The following GK5 variants were observed in gnomAD, a reference collection of about 807,000 sequenced individuals.
The protein encoded by GK5 is ATP:glycerol 3-phosphotransferase 5.
In GK5, 39 loss-of-function variants were observed where a neutral mutation model predicts 77.3. That is an observed-to-expected ratio of 0.50 (90% confidence interval 0.39 to 0.66). The LOEUF (loss-of-function observed/expected upper bound fraction) is 0.66. Ranked by LOEUF, GK5 falls within the 30% of genes least tolerant of loss-of-function variation. The pLI is 0.00. For synonymous variants in GK5, 211 were observed against 208.0 expected (o/e 1.01, Z -0.13); for missense variants, 487 against 633.8 (o/e 0.77, Z 2.49).
At chr3:142,214,789 G>C (rs1228009429) in intron 2 of GK5, among the ~76,000 whole-genome samples, 1 of 152,152 alleles carries the variant, frequency 6.6e-6, no homozygotes, top group Non-Finnish European at 1.5e-5. Context: ...AAACAGTGCT[G>C]TGTTAATGTT....
At chr3:142,176,176 C>T (rs1182825661) in intron 12 of GK5, among the ~76,000 whole-genome samples, 1 of 151,976 alleles carries the variant, frequency 6.6e-6, no homozygotes, top group East Asian at 1.9e-4. Flanking sequence ...AAAAATATTA[C>T]AGGTATTGAA....
intron 3 of GK5, among the ~76,000 whole-genome samples, chr3:142,212,920 G>A (rs896854540): frequency 3.5e-5 from 5 of 142,894 alleles, no homozygotes; most frequent in African/African-American, 5.3e-5. Flanking sequence ...TGCAGGCTCC[G>A]CCCCCTGGGG....
In GK5 at chr3:142,161,344, C is replaced by A. The variant is rs2063424410; in HGVS notation, c.*4278G>T. ...TCTCAAGCTACTAACCTCAGGTAATCCGTCCTCCTTGGCCTCCCAAAGTGC... is the reference window on the plus strand; with the variant it reads ...TCTCAAGCTACTAACCTCAGGTAATACGTCCTCCTTGGCCTCCCAAAGTGC... On this transcript the variant is annotated 3_prime_UTR_variant, in exon 16 of 16. Transcript: ENST00000392993. 6.6e-6 allele frequency: 1 copy of A among 152,158 alleles called. No homozygotes were observed. The highest frequency in any genetic ancestry group is 6.6e-5 in the Admixed American group (1 of 15,264). The allele number at this position is 152,158 out of a possible 1,614,324, so 9.4% of individuals were successfully genotyped here.
At chr3:142,195,026 T>C (rs948485116) in intron 5 of GK5, among the ~76,000 whole-genome samples, 2 of 151,974 alleles carry the variant, frequency 1.3e-5, no homozygotes, top group Non-Finnish European at 2.9e-5. Context: ...AAAGATCAGG[T>C]TGAAGGAGTT....
intron 10 of GK5, among the ~76,000 whole-genome samples, chr3:142,182,513 A>T (rs917349116): frequency 6.6e-6 from 1 of 151,804 alleles, no homozygotes; most frequent in Non-Finnish European, 1.5e-5. Flanking sequence ...CCCCCAGCTA[A>T]TTTTTTTGTA....
chr3:142,223,091 T>C (rs1469314287), intron 1 of GK5, among the ~76,000 whole-genome samples: 1 of 152,182 alleles, frequency 6.6e-6, no homozygotes, highest in Non-Finnish European at 1.5e-5. Flanking sequence ...TTTTCCACAG[T>C]TTAGAGTCTG....
intron 4 of GK5, among the ~76,000 whole-genome samples, chr3:142,199,631 G>T (rs916363193): frequency 6.6e-6 from 1 of 151,812 alleles, no homozygotes; most frequent in African/African-American, 2.4e-5. Flanking sequence ...TTAAAATCTG[G>T]TTGTATGATT....
intron 1 of GK5, among the ~76,000 whole-genome samples, chr3:142,215,912 G>A (rs1382089173): frequency 6.6e-6 from 1 of 152,006 alleles, no homozygotes; most frequent in Non-Finnish European, 1.5e-5. Context: ...CTTTAGCTTT[G>A]TTTATCTCTA....
Position 142,158,999 on chromosome 3 carries a change from A to G in GK5, c.*6623T>C, listed in dbSNP as rs190345885. On this transcript the variant is annotated 3_prime_UTR_variant, in exon 16 of 16. Coordinates refer to ENST00000392993, the MANE Select transcript of GK5 (RefSeq NM_001039547.3). ...GGAAAGATTTAAAAAATCCCACATA[A>G]TCACATAAACCACTGGACTGACTTT... is the stretch of plus-strand genomic sequence containing the variant. The G allele has an allele frequency of 2.6e-4, 40 of 152,322 alleles. No individual in the cohort carries two copies. Among genetic ancestry groups the G allele is most frequent in the African/African-American group, 7.9e-4 (33 of 41,580 alleles). The allele number at this position is 152,322 out of a possible 1,614,324, so 9.4% of individuals were successfully genotyped here.
chr3:142,172,640 GAGTCAT>G (rs1431983054), intron 12 of GK5, among the ~76,000 whole-genome samples, 184 bp from the exon 13 acceptor site: 1 of 152,154 alleles, frequency 6.6e-6, no homozygotes, highest in Non-Finnish European at 1.5e-5. Context: ...AAGCGATATT[GAGTCAT>G]AGTTACTGTA....
In GK5 at chr3:142,161,096, T is replaced by C. The variant is rs2063422397; in HGVS notation, c.*4526A>G. 6.6e-6 allele frequency: 1 copy of C among 151,318 alleles called. No homozygotes were observed. The highest frequency in any genetic ancestry group is 1.5e-5 in the Non-Finnish European group (1 of 67,918). 9.4% of individuals were successfully genotyped at this position (151,318 alleles called of 1,614,324 possible). A position where few individuals can be genotyped will look rare whatever the true frequency, so the allele number is the denominator to read the frequency against. On this transcript the variant is annotated 3_prime_UTR_variant, in exon 16 of 16. Coordinates refer to ENST00000392993, the MANE Select transcript of GK5 (RefSeq NM_001039547.3). ...AGTTCTTCTTTTGTTTTTTTGTTTT[T>C]GTTTTTGTTTTTGTTTTTTTGAAAT... is the stretch of plus-strand genomic sequence containing the variant.
chr3:142,186,289 C>T (rs932236929), intron 7 of GK5, 22 bp from the exon 8 acceptor site: 13 of 1,468,054 alleles, frequency 8.9e-6, no homozygotes, highest in Non-Finnish European at 1.2e-5. Flanking sequence ...AACGTATCAT[C>T]AGAATATACA....
rs931973850 is a variant in GK5, at chr3:142,225,545, C to G, written c.-90G>C. 6 of 1,476,474 alleles carry G rather than the reference C, an allele frequency of 4.1e-6. No homozygotes were observed. The highest frequency in any genetic ancestry group is 2.4e-4 in the Middle Eastern group (1 of 4,254). 91.5% of individuals were successfully genotyped at this position (1,476,474 alleles called of 1,614,324 possible). A position where few individuals can be genotyped will look rare whatever the true frequency, so the allele number is the denominator to read the frequency against. The stretch of plus-strand genomic sequence containing the variant: ...TCCAGAGTCCCCGGGCGGCCCAACC[C>G]GGGCCCCAACCCGGCTCAGCCGGAG... On this transcript the variant is annotated 5_prime_UTR_variant, in exon 1 of 16. Coordinates refer to ENST00000392993, the MANE Select transcript of GK5 (RefSeq NM_001039547.3).
rs773203010 is a variant in GK5 at position 142,215,567 on chromosome 3, A to C, written c.241+32T>G. 17 of 1,184,904 alleles carry C rather than the reference A, an allele frequency of 1.4e-5. No homozygotes were observed. The Admixed American group carries it at 3.4e-4, about 24-fold the overall frequency. 73.4% of individuals were successfully genotyped at this position (1,184,904 alleles called of 1,614,324 possible). On this transcript the variant is annotated intron_variant, in intron 2 of 15. Transcript: ENST00000392993. ...AAACTATTACAAAAAAAAAACCATA[A>C]AGATTATTGTTATTTTTATAAATCC...
At chr3:142,212,877 A>G (rs1314017549) in intron 3 of GK5, among the ~76,000 whole-genome samples, 1 of 128,846 alleles carries the variant, frequency 7.8e-6, no homozygotes, top group South Asian at 2.2e-4. Flanking sequence ...GCTGTCGCCC[A>G]GGCTGGAGTG....
intron 6 of GK5, among the ~76,000 whole-genome samples, chr3:142,187,064 G>A (rs1294208394): frequency 3.9e-5 from 6 of 152,078 alleles, no homozygotes; most frequent in Admixed American, 1.3e-4. Flanking sequence ...ATGACAAAGA[G>A]GCTCAAAGAT....
chr3:142,169,022 C>G (rs898102897), intron 15 of GK5, among the ~76,000 whole-genome samples: 7 of 152,216 alleles, frequency 4.6e-5, no homozygotes, highest in Non-Finnish European at 8.8e-5. Context: ...CTTATTAACA[C>G]TGTCACTGTT....
At chr3:142,210,963 G>A (rs745945123) in intron 3 of GK5, among the ~76,000 whole-genome samples, 30 of 148,624 alleles carry the variant, frequency 2.0e-4, no homozygotes, top group Non-Finnish European at 4.3e-4. Flanking sequence ...CCAGATTAGC[G>A]TTGGTCCTGC....
At chr3:142,196,916 G>A (rs936350388) in intron 5 of GK5, among the ~76,000 whole-genome samples, 4 of 152,138 alleles carry the variant, frequency 2.6e-5, no homozygotes, top group African/African-American at 7.2e-5. Context: ...GGTCAAGCGC[G>A]GTGGCTCTCG....
Sources: gnomAD v4.1 joint callset for allele counts (sites outside exome capture counted in the v4.1 genomes callset) on GRCh38, gnomAD v4.1.1 for gene constraint, MANE v1.5 for transcripts, NCBI Gene and HGNC (gene_info 2026-07-23, HGNC 2026-07-21) for gene names.